Variants in INPP4B observed in about 807,000 individuals in gnomAD.
INPP4B encodes inositol polyphosphate 4-phosphatase type II.
In INPP4B, 55 loss-of-function variants were observed where a neutral mutation model predicts 122.5. The observed-to-expected ratio is 0.45, with a 90% CI of 0.36 to 0.56. The LOEUF (loss-of-function observed/expected upper bound fraction) is 0.56, where lower values mean the gene tolerates loss of function less well. INPP4B is among the 20% of genes least tolerant of loss of function. The pLI, the probability that INPP4B is intolerant of heterozygous loss-of-function variation, is 0.00. For missense variants in INPP4B, 1,000 were observed against 1,097.7 expected (o/e 0.91, Z 1.26); for synonymous variants, 403 against 388.7 (o/e 1.04, Z -0.43).
At chr4:142,496,231 T>TTATATATTCATC (rs1485184056) in intron 2 of INPP4B, among the ~76,000 whole-genome samples, 1 of 152,142 alleles carries the variant, frequency 6.6e-6, no homozygotes, top group Non-Finnish European at 1.5e-5. Context: ...ATTGTTCTTT[T>TTATATATTCATC]TATATATTCA....
Position 142,523,610 on chromosome 4 carries a change from C to A in INPP4B, c.-190-60884G>T, listed in dbSNP as rs2149938172. Among the ~76,000 whole-genome samples, 3 of 152,160 alleles carry A rather than the reference C, an allele frequency of 2.0e-5. No individual in the cohort carries two copies. In the Middle Eastern group the frequency reaches 0.01, roughly 518 times the overall value. On this transcript the variant is annotated intron_variant, in intron 2 of 25. Coordinates refer to ENST00000262992, the MANE Select transcript of INPP4B (RefSeq NM_001101669.3). ...CCCACAATGTCCCTCCTGCATTGCT[C>A]TCCTCCTGCTTTTAGCTTTTCTTTT...
rs572648339 is a variant in INPP4B, at chr4:142,238,511, T to C, written c.689-500A>G. ...AGCAGGTCACAAACTGATATGTTAT[T>C]TTAGGAGTTACAAAAGGTCTTACTA... On this transcript the variant is annotated intron_variant, in intron 11 of 25. Transcript: ENST00000262992. Among the ~76,000 whole-genome samples, 8 of 152,238 alleles carry C rather than the reference T, an allele frequency of 5.3e-5. No individual in the cohort carries two copies. The East Asian group carries it at 1.5e-3, about 29-fold the overall frequency.
chr4:142,258,356 A>G (rs914612451), intron 11 of INPP4B, among the ~76,000 whole-genome samples: 10 of 151,050 alleles, frequency 6.6e-5, no homozygotes, highest in African/African-American at 2.4e-4. Flanking sequence ...GACAAATGGG[A>G]TCTAATTAAA....
At chr4:142,412,257 T>C (rs1317772997) in intron 5 of INPP4B, among the ~76,000 whole-genome samples, 2 of 152,234 alleles carry the variant, frequency 1.3e-5, no homozygotes, top group Non-Finnish European at 2.9e-5. Context: ...AAAAGATATA[T>C]AGAGCACTTA....
intron 12 of INPP4B, among the ~76,000 whole-genome samples, chr4:142,221,268 C>T (rs1053261718): frequency 6.6e-6 from 1 of 151,456 alleles, no homozygotes; most frequent in South Asian, 2.1e-4. Flanking sequence ...GGCTTGGTGG[C>T]AGGCACCTGT....
chr4:142,390,474 A>T (rs954975141), intron 7 of INPP4B, among the ~76,000 whole-genome samples: 1 of 152,190 alleles, frequency 6.6e-6, no homozygotes, highest in African/African-American at 2.4e-5. Context: ...AACCTTTAAC[A>T]TATTTGATAG....
intron 7 of INPP4B, among the ~76,000 whole-genome samples, chr4:142,353,178 T>A (rs1782456359): frequency 6.6e-6 from 1 of 151,982 alleles, no homozygotes; most frequent in Admixed American, 6.6e-5. Flanking sequence ...ATAGTCTACT[T>A]TCATCTTATT....
At chr4:142,150,817 A>G (rs901731439) in intron 17 of INPP4B, among the ~76,000 whole-genome samples, 6 of 152,228 alleles carry the variant, frequency 3.9e-5, no homozygotes, top group Non-Finnish European at 5.9e-5. Context: ...GGTAGCATCA[A>G]GAGAAATCCT....
intron 16 of INPP4B, among the ~76,000 whole-genome samples, chr4:142,162,478 C>T (rs1211230331): frequency 6.6e-6 from 1 of 151,824 alleles, no homozygotes; most frequent in Non-Finnish European, 1.5e-5. Context: ...TCCCATTCAG[C>T]TTAACTAAAC....
At chr4:142,367,441 T>G (rs1432531119) in intron 7 of INPP4B, among the ~76,000 whole-genome samples, 1 of 152,076 alleles carries the variant, frequency 6.6e-6, no homozygotes, top group Non-Finnish European at 1.5e-5. Flanking sequence ...GAACTCTTAG[T>G]ATGGCATGGA....
intron 2 of INPP4B, among the ~76,000 whole-genome samples, chr4:142,715,664 G>C (rs1264495961): frequency 6.6e-6 from 1 of 152,242 alleles, no homozygotes; most frequent in Non-Finnish European, 1.5e-5. Flanking sequence ...TGTAGCAGAA[G>C]AGAGCCCTGG....
chr4:142,032,605 C>T (rs1208045993), intron 25 of INPP4B, among the ~76,000 whole-genome samples: 4 of 152,126 alleles, frequency 2.6e-5, no homozygotes, highest in African/African-American at 7.2e-5. Flanking sequence ...AGTAGAATAG[C>T]ACATATAGAA....
intron 9 of INPP4B, among the ~76,000 whole-genome samples, chr4:142,279,420 T>G (rs1267407864): frequency 1.3e-5 from 2 of 151,832 alleles, no homozygotes; most frequent in African/African-American, 4.8e-5. Flanking sequence ...GGTTTTGAAA[T>G]AGGACAGACA....
intron 1 of INPP4B, among the ~76,000 whole-genome samples, chr4:142,744,813 A>G (rs918453325): frequency 4.0e-5 from 6 of 151,890 alleles, no homozygotes; most frequent in Admixed American, 3.9e-4. Context: ...ATGTCCATAG[A>G]TGGGAAGAGT....
chr4:142,830,966 G>T (rs144481266), intron 1 of INPP4B, among the ~76,000 whole-genome samples: 1 of 151,736 alleles, frequency 6.6e-6, no homozygotes, highest in East Asian at 1.9e-4. Flanking sequence ...AGGCTACAGC[G>T]AGCCAAGATC....
chr4:142,518,580 C>T (rs916643357), intron 2 of INPP4B: 1 of 152,112 alleles, frequency 6.6e-6, no homozygotes, highest in African/African-American at 2.4e-5. Context: ...CTCTCCCCAA[C>T]ACTGATCAGA....
chr4:142,827,141 A>C (rs1781550405), intron 1 of INPP4B, among the ~76,000 whole-genome samples: 1 of 152,158 alleles, frequency 6.6e-6, no homozygotes, highest in South Asian at 2.1e-4. Flanking sequence ...CACCCCACAC[A>C]GCAGTAGCTT....
chr4:142,449,688 G>A (rs1377537185), intron 3 of INPP4B, among the ~76,000 whole-genome samples: 2 of 148,980 alleles, frequency 1.3e-5, no homozygotes, highest in African/African-American at 5.0e-5. Context: ...GACAGAGCAA[G>A]ACTCTGTCCC....
intron 18 of INPP4B, among the ~76,000 whole-genome samples, chr4:142,135,074 A>G (rs1803356995): frequency 6.6e-6 from 1 of 152,198 alleles, no homozygotes; most frequent in South Asian, 2.1e-4. Context: ...GAATATTAGT[A>G]TTTTTGCATA....
Sources: gnomAD v4.1 joint callset for allele counts (sites outside exome capture counted in the v4.1 genomes callset) on GRCh38, gnomAD v4.1.1 for gene constraint, MANE v1.5 for transcripts, NCBI Gene and HGNC (gene_info 2026-07-23, HGNC 2026-07-21) for gene names.